EHD4: variants seen among roughly 807,000 people sequenced by gnomAD.
EHD4 encodes EH domain containing 4.
A neutral mutation model predicts 51.0 loss-of-function variants in EHD4; 37 were observed. The observed-to-expected ratio is 0.73, with a 90% CI of 0.56 to 0.95. EHD4 has a LOEUF of 0.95. Among genes scored for constraint, EHD4 ranks in the 40% least tolerant of loss-of-function variants. The pLI is 0.00. For synonymous variants in EHD4, 297 were observed against 317.3 expected (o/e 0.94, Z 0.68); for missense variants, 632 against 733.1 (o/e 0.86, Z 1.59).
At chr15:41,921,204 GCCA>G (rs1232558551) in intron 3 of EHD4, among the ~76,000 whole-genome samples, 3 of 152,108 alleles carry the variant, frequency 2.0e-5, no homozygotes, top group Non-Finnish European at 4.4e-5. Flanking sequence ...TGTTTATGCC[GCCA>G]CACGCGTGGA....
chr15:41,909,962 G>A (rs2067538618), intron 4 of EHD4, 99 bp from the exon 5 acceptor site: 1 of 1,465,190 alleles, frequency 6.8e-7, no homozygotes, highest in Admixed American at 1.8e-5. Flanking sequence ...CACATAACAG[G>A]TACCCACACA....
At position 41,901,813 on chromosome 15, in the gene EHD4, C is replaced by T. The variant is rs533752494; in HGVS notation, c.1090-632G>A. ...TGAGGGCGCTACTCAACAGGAACCC[C>T]GTAGGACCAGCCCCACCAAGTACGG... On this transcript the variant is annotated intron_variant, in intron 5 of 5. Transcript: ENST00000220325. Among the ~76,000 whole-genome samples, 40 of 152,310 alleles carry T rather than the reference C, an allele frequency of 2.6e-4. 1 individual carries two copies. The South Asian group carries it at 7.0e-3, about 27-fold the overall frequency.
chr15:41,970,639 T>C (rs2067989163), intron 1 of EHD4, among the ~76,000 whole-genome samples: 1 of 152,220 alleles, frequency 6.6e-6, no homozygotes, highest in Non-Finnish European at 1.5e-5. Context: ...GAGGGCTGCA[T>C]TATCTCCAGG....
chr15:41,918,015 C>T (rs1057203170), intron 4 of EHD4, among the ~76,000 whole-genome samples: 13 of 152,114 alleles, frequency 8.5e-5, no homozygotes, highest in African/African-American at 2.9e-4. Context: ...TTCACCCAGG[C>T]AAGAGGCTGC....
chr15:41,942,824 C>CCCACTCGTTTACG, intron 3 of EHD4: 1 of 411,066 alleles, frequency 2.4e-6, no homozygotes, highest in Non-Finnish European at 4.6e-6. Flanking sequence ...CATTGTTTAC[C>CCCACTCGTTTACG]CCACTCCTCA....
At chr15:41,915,889 A>T (rs1438808687) in intron 4 of EHD4, among the ~76,000 whole-genome samples, 1 of 152,212 alleles carries the variant, frequency 6.6e-6, no homozygotes, top group Non-Finnish European at 1.5e-5. Context: ...TTAAATACAG[A>T]GATGTGAAAA....
intron 3 of EHD4, among the ~76,000 whole-genome samples, chr15:41,929,491 G>A (rs550684229): frequency 2.0e-5 from 3 of 152,356 alleles, no homozygotes; most frequent in Non-Finnish European, 4.4e-5. Flanking sequence ...CCAAGTGAAA[G>A]GGAAAATTGG....
At position 41,897,672 on chromosome 15, in the gene EHD4, C is replaced by T. The variant is rs1383477906; in HGVS notation, c.*2973G>A. 1.3e-5 allele frequency: 2 copies of T among 152,248 alleles called. No individual in the cohort carries two copies. Among genetic ancestry groups the T allele is most frequent in the African/African-American group, 4.8e-5 (2 of 41,450 alleles). The allele number at this position is 152,248 out of a possible 1,614,324, so 9.4% of individuals were successfully genotyped here. Reference sequence around the variant, plus strand: ...TCTCTACAAACGGGGTCAGGAGACCCTCACTGGCAGGCTGACAACTTGGAA... The same window carrying T: ...TCTCTACAAACGGGGTCAGGAGACCTTCACTGGCAGGCTGACAACTTGGAA... On this transcript the variant is annotated 3_prime_UTR_variant, in exon 6 of 6. Transcript: ENST00000220325.
intron 3 of EHD4, among the ~76,000 whole-genome samples, chr15:41,936,817 G>C (rs1421995550): frequency 6.6e-6 from 1 of 152,212 alleles, no homozygotes; most frequent in Non-Finnish European, 1.5e-5. Flanking sequence ...ATTTCCCGTG[G>C]CACCAGCGGA....
At chr15:41,904,749 TCTC>T (rs2067501603) in intron 5 of EHD4, among the ~76,000 whole-genome samples, 2 of 152,082 alleles carry the variant, frequency 1.3e-5, no homozygotes, top group South Asian at 4.1e-4. Context: ...GGGTCCAAAT[TCTC>T]CTTCCAGTCA....
chr15:41,940,691 T>C (rs2067764022), intron 3 of EHD4, among the ~76,000 whole-genome samples: 5 of 152,174 alleles, frequency 3.3e-5, no homozygotes, highest in African/African-American at 4.8e-5. Flanking sequence ...GTACATGCCA[T>C]AGTAAGTCAG....
chr15:41,972,381 C>A lies in EHD4; in HGVS notation c.114G>T (p.Pro38=). Reference sequence around the variant, plus strand: ...CGTGGAAGCGGTACGCCTCCTCCAGCGGCAGCACCTTGCGCAGGTAGAGCG... The same window carrying A: ...CGTGGAAGCGGTACGCCTCCTCCAGAGGCAGCACCTTGCGCAGGTAGAGCG... The part of the protein sequence containing the change: ...LRSLYLRKVL[P]LEEAYRFHEF... Residue 38 remains proline (P), a synonymous_variant, in exon 1 of 6, where the codon CCG becomes CCT. Coordinates refer to ENST00000220325, the MANE Select transcript of EHD4 (RefSeq NM_139265.4). 6.2e-7 allele frequency: 1 copy of A among 1,611,146 alleles called. No homozygotes were observed. The highest frequency in any genetic ancestry group is 8.5e-7 in the Non-Finnish European group (1 of 1,178,886).
At chr15:41,909,955 A>C in intron 4 of EHD4, 92 bp from the exon 5 acceptor site, 1 of 1,498,600 alleles carries the variant, frequency 6.7e-7, no homozygotes, top group Non-Finnish European at 9.2e-7. Flanking sequence ...ATCATAACAC[A>C]TAACAGGTAC....
chr15:41,955,981 A>G (rs997371650), intron 1 of EHD4, among the ~76,000 whole-genome samples: 3 of 152,146 alleles, frequency 2.0e-5, no homozygotes, highest in Admixed American at 2.0e-4. Flanking sequence ...GGAGGCTGGT[A>G]TGACTGAGGG....
intron 4 of EHD4, 27 bp downstream of exon 4, chr15:41,919,183 C>G (rs1422144019): frequency 1.2e-6 from 2 of 1,612,512 alleles, no homozygotes; most frequent in South Asian, 2.2e-5. Flanking sequence ...AGCCCCTGGC[C>G]TCTGTGCAAG....
chr15:41,972,555 ACTGAGCCGCCCCGGCCGCG>A, exon 1 of EHD4: 1 of 1,399,676 alleles, frequency 7.1e-7, no homozygotes, highest in South Asian at 1.6e-5. Context: ...CCCGGCTCGC[ACTGAGCCGCCCCGGCCGCG>A]CTGGCCGCCG....
chr15:41,907,723 C>T (rs1375247487), intron 5 of EHD4, among the ~76,000 whole-genome samples: 1 of 151,672 alleles, frequency 6.6e-6, no homozygotes, highest in Non-Finnish European at 1.5e-5. Context: ...GGTTTCACTA[C>T]GTTGCACAGG....
intron 1 of EHD4, among the ~76,000 whole-genome samples, chr15:41,964,699 T>G (rs1473913005): frequency 1.3e-5 from 2 of 151,760 alleles, no homozygotes; most frequent in African/African-American, 4.8e-5. Context: ...GAGTCTAATT[T>G]GGAATAACTG....
rs774005655 is a variant in EHD4, at chr15:41,972,261, G to A, written c.234C>T (p.Ile78=). The stretch of plus-strand genomic sequence containing the variant: ...CGGGCGAGGGGCGGTGACGGTACCT[G>A]ATGAAGGTGGTCTTGCCGGTGCTGT... ...GQYSTGKTTF[I]RYLLEQDFPG... is the part of the protein sequence containing the mutation. The change falls in exon 1 of 6, where the codon ATC becomes ATT. Residue 78 remains isoleucine, a splice_region_variant and synonymous_variant. Coordinates refer to ENST00000220325, the MANE Select transcript of EHD4 (RefSeq NM_139265.4). 3.8e-6 allele frequency: 6 copies of A among 1,565,460 alleles called. No homozygotes were observed. The Admixed American group carries it at 9.3e-5, about 24-fold the overall frequency.
Sources: allele counts gnomAD v4.1 joint callset (sites outside exome capture counted in the v4.1 genomes callset), GRCh38; gene constraint gnomAD v4.1.1; transcripts MANE v1.5; gene names NCBI Gene and HGNC (gene_info 2026-07-23, HGNC 2026-07-21).